The following RNH1 variants were observed in gnomAD, a reference collection of about 807,000 sequenced individuals.
RNH1 encodes the protein ribonuclease inhibitor.
In RNH1, 38 loss-of-function variants were observed where a neutral mutation model predicts 46.1. The ratio of observed to expected loss-of-function variants is 0.82; its 90% confidence interval spans 0.64 to 1.08. The LOEUF (loss-of-function observed/expected upper bound fraction) is 1.08. Among genes scored for constraint, RNH1 ranks in the 50% least tolerant of loss-of-function variants. The probability of loss-of-function intolerance (pLI) is 0.00; values close to 1 mark genes in which losing one functional copy is unlikely to be tolerated. For synonymous variants in RNH1, 319 were observed against 279.1 expected (o/e 1.14, Z -1.43); for missense variants, 577 against 590.7 (o/e 0.98, Z 0.24).
chr11:498,939 G>A lies in RNH1; in HGVS notation c.615-6C>T, dbSNP rs373955118. On this transcript the variant is annotated splice_polypyrimidine_tract_variant and splice_region_variant and intron_variant, in intron 6 of 10. Transcript: ENST00000354420. ...TCACACCGCAGCTCTCCAGCCTGGG[G>A]ACACGGGTCACACGTGAGGCAGCAC... 2.5e-6 allele frequency: 4 copies of A among 1,612,186 alleles called. No individual in the cohort carries two copies. The African/African-American group carries it at 4.0e-5, about 16-fold the overall frequency.
intron 9 of RNH1, among the ~76,000 whole-genome samples, 167 bp downstream of exon 9, chr11:497,804 C>A (rs1422735534): frequency 6.6e-6 from 1 of 151,864 alleles, no homozygotes; most frequent in Admixed American, 6.5e-5. Context: ...GACACCCATG[C>A]TCACACTCAT....
At chr11:500,777 A>C in intron 3 of RNH1, 123 bp from the exon 4 acceptor site, 1 of 1,031,552 alleles carries the variant, frequency 9.7e-7, no homozygotes, top group Non-Finnish European at 1.5e-6. Context: ...CAAGTCACAC[A>C]AGACATTTCA....
intron 10 of RNH1, 31 bp downstream of exon 10, chr11:494,852 G>A (rs1288361588): frequency 6.2e-7 from 1 of 1,611,662 alleles, no homozygotes; most frequent in African/African-American, 1.3e-5. Flanking sequence ...GGCAGCCCTG[G>A]CCGCACCACC....
At position 499,182 on chromosome 11, in the gene RNH1, C is replaced by T; in HGVS notation, c.447G>A (p.Leu149=). The part of the protein sequence containing the change: ...DPQCRLEKLQ[L]EYCSLSAASC... ...TGGCAGCCGAGAGGCTGCAATACTCCAGCCTGGGGGACAGCAGAGCTCAGC... is the reference window on the plus strand; with the variant it reads ...TGGCAGCCGAGAGGCTGCAATACTCTAGCCTGGGGGACAGCAGAGCTCAGC... Residue 149 remains leucine, a synonymous_variant, in exon 6 of 11, where the codon CTG becomes CTA. Transcript: ENST00000354420. 6.2e-7 allele frequency: 1 copy of T among 1,612,344 alleles called. No homozygotes were observed. Among genetic ancestry groups the T allele is most frequent in the Non-Finnish European group, 8.5e-7 (1 of 1,179,990 alleles).
Position 502,220 on chromosome 11 carries a change from A to G in RNH1, c.-58T>C. On this transcript the variant is annotated 5_prime_UTR_variant, in exon 3 of 11. Coordinates refer to ENST00000354420, the MANE Select transcript of RNH1 (RefSeq NM_203387.3). This position sits in a 1 kb window ranked among gnomAD's most constrained non-coding sequence, Gnocchi z 5.8. ...AGAGGGAAGAGGACGTCTTGGCCGA[A>G]TCCCCTCACAGTTTCACAGGCCGGA... 7.5e-7 allele frequency: 1 copy of G among 1,338,550 alleles called. No homozygotes were observed. Among genetic ancestry groups the G allele is most frequent in the Non-Finnish European group, 1.1e-6 (1 of 951,888 alleles). 82.9% of individuals were successfully genotyped at this position (1,338,550 alleles called of 1,614,324 possible). A position where few individuals can be genotyped will look rare whatever the true frequency, so the allele number is the denominator to read the frequency against.
At chr11:495,431 G>A (rs1848968952) in intron 9 of RNH1, among the ~76,000 whole-genome samples, 1 of 152,190 alleles carries the variant, frequency 6.6e-6, no homozygotes, top group African/African-American at 2.4e-5. Context: ...GGGAAACGAG[G>A]GTATGGAGGG....
rs950671833 is a variant in RNH1, at chr11:501,064, G to A, written c.102-410C>T. The A allele has an allele frequency of 2.0e-5, 7 of 353,242 alleles. No individual in the cohort carries two copies. In the Admixed American group the frequency reaches 2.7e-4, roughly 14 times the overall value. 21.9% of individuals were successfully genotyped at this position (353,242 alleles called of 1,614,324 possible). A position where few individuals can be genotyped will look rare whatever the true frequency, so the allele number is the denominator to read the frequency against. Reference sequence around the variant, plus strand: ...GATCACTTGAGCCCAGGAGGTTGAGGCCGCATAAGCCATGAGGGAGCCACT... The same window carrying A: ...GATCACTTGAGCCCAGGAGGTTGAGACCGCATAAGCCATGAGGGAGCCACT... On this transcript the variant is annotated intron_variant, in intron 3 of 10. Coordinates refer to ENST00000354420, the MANE Select transcript of RNH1 (RefSeq NM_203387.3). This position sits in a 1 kb window ranked among gnomAD's most constrained non-coding sequence, Gnocchi z 4.1.
intron 9 of RNH1, among the ~76,000 whole-genome samples, chr11:495,479 C>A (rs181768926): frequency 2.4e-4 from 36 of 152,274 alleles, no homozygotes; most frequent in Non-Finnish European, 2.6e-4. Flanking sequence ...AGACTTTAGG[C>A]TCCAGAGAGA....
chr11:501,740 G>A lies in RNH1; in HGVS notation c.101+322C>T, dbSNP rs906467166. On this transcript the variant is annotated intron_variant, in intron 3 of 10. Coordinates refer to ENST00000354420, the MANE Select transcript of RNH1 (RefSeq NM_203387.3). The surrounding 1 kb of genome is among the most constrained non-coding windows in gnomAD (Gnocchi z 4.1). Reference sequence around the variant, plus strand: ...CAGCGCCCCATGGAGGCTCACGGAGGGGACCCAAGCTGTGTCCTGCCCTCG... The same window carrying A: ...CAGCGCCCCATGGAGGCTCACGGAGAGGACCCAAGCTGTGTCCTGCCCTCG... 2 of 343,442 alleles carry A rather than the reference G, an allele frequency of 5.8e-6. No individual in the cohort carries two copies. The highest frequency in any genetic ancestry group is 1.1e-5 in the Non-Finnish European group (2 of 183,410). 21.3% of individuals were successfully genotyped at this position (343,442 alleles called of 1,614,324 possible). A position where few individuals can be genotyped will look rare whatever the true frequency, so the allele number is the denominator to read the frequency against.
At position 501,850 on chromosome 11, in the gene RNH1, A is replaced by G. The variant is rs1205998504; in HGVS notation, c.101+212T>C. ...CCGCCCACCTCGGCCCGCCCACCTCAGCCCATGCTGCATGAGCCTGGAATG... is the reference window on the plus strand; with the variant it reads ...CCGCCCACCTCGGCCCGCCCACCTCGGCCCATGCTGCATGAGCCTGGAATG... On this transcript the variant is annotated intron_variant, in intron 3 of 10. Transcript: ENST00000354420. This position sits in a 1 kb window ranked among gnomAD's most constrained non-coding sequence, Gnocchi z 4.1. 2 of 579,188 alleles carry G rather than the reference A, an allele frequency of 3.5e-6. No homozygotes were observed. Among genetic ancestry groups the G allele is most frequent in the Non-Finnish European group, 6.2e-6 (2 of 323,012 alleles). The allele number at this position is 579,188 out of a possible 1,614,324, so 35.9% of individuals were successfully genotyped here.
chr11:499,378 A>C, intron 5 of RNH1, 193 bp from the exon 6 acceptor site: 1 of 667,780 alleles, frequency 1.5e-6, no homozygotes, highest in Non-Finnish European at 2.6e-6. Flanking sequence ...TCCTTCTGGA[A>C]ACCCCTCACC....
At position 498,997 on chromosome 11, in the gene RNH1, C is replaced by G. The variant is rs776387643; in HGVS notation, c.614+18G>C. The G allele has an allele frequency of 9.9e-6, 16 of 1,612,482 alleles. No homozygotes were observed. In the South Asian group the frequency reaches 1.6e-4, roughly 17 times the overall value. On this transcript the variant is annotated intron_variant, in intron 6 of 10. Transcript: ENST00000354420. Reference sequence around the variant, plus strand: ...CCCCTAGCCCACACCCCGCACCCCCCCAAGGCCCAGTGCCTACTTGAGCGC... The same window carrying G: ...CCCCTAGCCCACACCCCGCACCCCCGCAAGGCCCAGTGCCTACTTGAGCGC...
At position 494,863 on chromosome 11, in the gene RNH1, C is replaced by G. The variant is rs373150556; in HGVS notation, c.1298+20G>C. The G allele has an allele frequency of 1.9e-6, 3 of 1,611,640 alleles. No individual in the cohort carries two copies. The highest frequency in any genetic ancestry group is 2.5e-6 in the Non-Finnish European group (3 of 1,179,340). On this transcript the variant is annotated intron_variant, in intron 10 of 10. Coordinates refer to ENST00000354420, the MANE Select transcript of RNH1 (RefSeq NM_203387.3). ...CCTGGGCAGCCCTGGCCGCACCACCCGCCCAGCGCGTGCACATACACCAGC... is the reference window on the plus strand; with the variant it reads ...CCTGGGCAGCCCTGGCCGCACCACCGGCCCAGCGCGTGCACATACACCAGC...
chr11:499,520 G>A, intron 5 of RNH1: 2 of 697,384 alleles, frequency 2.9e-6, no homozygotes, highest in Non-Finnish European at 5.2e-6. Flanking sequence ...ACACACTGAG[G>A]CGGTGAGTGG....
intron 2 of RNH1, chr11:503,551 G>A (rs978876426): frequency 5.9e-5 from 8 of 135,570 alleles, no homozygotes; most frequent in Admixed American, 8.2e-5. Flanking sequence ...AAGCACGTGA[G>A]CAAAACCGAC....
chr11:501,959 G>A lies in RNH1; in HGVS notation c.101+103C>T. 1.4e-6 allele frequency: 1 copy of A among 701,642 alleles called. No homozygotes were observed. Among genetic ancestry groups the A allele is most frequent in the Non-Finnish European group, 2.5e-6 (1 of 399,418 alleles). The allele number at this position is 701,642 out of a possible 1,614,324, so 43.5% of individuals were successfully genotyped here. On this transcript the variant is annotated intron_variant, in intron 3 of 10. Coordinates refer to ENST00000354420, the MANE Select transcript of RNH1 (RefSeq NM_203387.3). The surrounding 1 kb of genome is among the most constrained non-coding windows in gnomAD (Gnocchi z 4.1). The stretch of plus-strand genomic sequence containing the variant: ...TAGCTGCACAGAATTCATACTTCAT[G>A]TCCACAAACAAGGCGTTCCAGAGCA...
Position 499,072 on chromosome 11 carries a change from C to T in RNH1, c.557G>A (p.Gly186Asp), listed in dbSNP as rs1244825841. The T allele has an allele frequency of 1.9e-6, 3 of 1,613,368 alleles. No homozygotes were observed. Among genetic ancestry groups the T allele is most frequent in the African/African-American group, 1.3e-5 (1 of 74,918 alleles). ...TVSNNDINEA[G>D]VRVLCQGLKD... ...CAGGCCCTGGCACAGCACACGGACG[C>T]CAGCCTCATTGATGTCGTTGTTGCT... Residue 186 changes from glycine to aspartate, a missense_variant, in exon 6 of 11, where the codon GGC (glycine) becomes GAC (aspartate). Coordinates refer to ENST00000354420, the MANE Select transcript of RNH1 (RefSeq NM_203387.3).
Position 502,421 on chromosome 11 carries a change from G to A in RNH1, c.-87-172C>T. 1 of 560,784 alleles carries A rather than the reference G, an allele frequency of 1.8e-6. No individual in the cohort carries two copies. Among genetic ancestry groups the A allele is most frequent in the Non-Finnish European group, 3.2e-6 (1 of 311,412 alleles). The allele number at this position is 560,784 out of a possible 1,614,324, so 34.7% of individuals were successfully genotyped here. On this transcript the variant is annotated intron_variant, in intron 2 of 10. Coordinates refer to ENST00000354420, the MANE Select transcript of RNH1 (RefSeq NM_203387.3). The surrounding 1 kb of genome is among the most constrained non-coding windows in gnomAD (Gnocchi z 5.8). The stretch of plus-strand genomic sequence containing the variant: ...CAGAAAGGCCACCATGGGCAGCAGA[G>A]CTTGGGTAATGCAGATGCCAGCCCA...
intron 5 of RNH1, 71 bp from the exon 6 acceptor site, chr11:499,256 G>A: frequency 1.3e-6 from 2 of 1,536,492 alleles, no homozygotes; most frequent in Non-Finnish European, 1.8e-6. Context: ...AGGGAGCACG[G>A]GGTGTGCTGG....
Sources: gnomAD v4.1 joint callset for allele counts (sites outside exome capture counted in the v4.1 genomes callset) on GRCh38, gnomAD v4.1.1 for gene constraint, Gnocchi (gnomAD v3.1) non-coding constraint, MANE v1.5 for transcripts, NCBI Gene and HGNC (gene_info 2026-07-23, HGNC 2026-07-21) for gene names.